Variants in ATXN10 observed in about 807,000 individuals in gnomAD.
The protein encoded by ATXN10 is ataxin-10.
In ATXN10, 28 loss-of-function variants were observed where a neutral mutation model predicts 52.9. The observed-to-expected ratio is 0.53, with a 90% confidence interval of 0.39 to 0.73. The LOEUF is 0.73. Ranked by LOEUF, ATXN10 falls within the 30% of genes least tolerant of loss-of-function variation. The pLI is 0.00. For missense variants in ATXN10, 565 were observed against 577.0 expected, an observed-to-expected ratio of 0.98 and a Z score of 0.21; for synonymous variants, 226 against 221.5, an observed-to-expected ratio of 1.02 and a Z score of -0.18.
At chr22:45,682,255 C>T (rs1427560703) in intron 1 of ATXN10, among the ~76,000 whole-genome samples, 1 of 152,144 alleles carries the variant, frequency 6.6e-6, no homozygotes, top group African/African-American at 2.4e-5. Flanking sequence ...AGTATTCTCA[C>T]TCAATCTTGT....
In ATXN10 at chr22:45,732,425, T is replaced by G. The variant is rs1438108014; in HGVS notation, c.894+2835T>G. Among the ~76,000 whole-genome samples the G allele has an allele frequency of 1.3e-5, 2 of 152,258 alleles. No individual in the cohort carries two copies. The highest frequency in any genetic ancestry group is 4.2e-4 in the South Asian group (2 of 4,804). Reference sequence around the variant, plus strand: ...AGTGAGCTGTGATTGCGCTACTGCATTCCAGCCTGGGGAAGAGTGAGATCC... The same window carrying G: ...AGTGAGCTGTGATTGCGCTACTGCAGTCCAGCCTGGGGAAGAGTGAGATCC... On this transcript the variant is annotated intron_variant, in intron 7 of 11. Coordinates refer to ENST00000252934, the MANE Select transcript of ATXN10 (RefSeq NM_013236.4). The surrounding 1 kb of genome is among the most constrained non-coding windows in gnomAD (Gnocchi z 4.5).
Position 45,837,293 on chromosome 22 carries a change from T to C in ATXN10, c.1238-5698T>C, listed in dbSNP as rs1368665813. Among the ~76,000 whole-genome samples, 3 of 152,188 alleles carry C rather than the reference T, an allele frequency of 2.0e-5. No individual in the cohort carries two copies. Among genetic ancestry groups the C allele is most frequent in the African/African-American group, 7.2e-5 (3 of 41,450 alleles). ...ACTTATTTTTGAGACAGAGTCTTGC[T>C]CTGTCGCCCAGGCTGCAGTGCAGTG... On this transcript the variant is annotated intron_variant, in intron 10 of 11. Coordinates refer to ENST00000252934, the MANE Select transcript of ATXN10 (RefSeq NM_013236.4). This position sits in a 1 kb window ranked among gnomAD's most constrained non-coding sequence, Gnocchi z 5.8.
intron 10 of ATXN10, among the ~76,000 whole-genome samples, chr22:45,822,565 C>T (rs144364444): frequency 0.093 from 11,551 of 124,274 alleles, 641 homozygotes; most frequent in Middle Eastern, 0.22. Context: ...GAGTCTTGCT[C>T]TGTCACCCAG....
rs1929469656 is a variant in ATXN10, at chr22:45,845,195, T to A, written c.*1524T>A. 1 of 152,196 alleles carries A rather than the reference T, an allele frequency of 6.6e-6. No homozygotes were observed. The highest frequency in any genetic ancestry group is 1.5e-5 in the Non-Finnish European group (1 of 68,042). 9.4% of individuals were successfully genotyped at this position (152,196 alleles called of 1,614,324 possible). ...TTAACAAGTTTGCAATAGACACTTC[T>A]TTTTTTCCTGTCTCAATGGATGTGT... On this transcript the variant is annotated 3_prime_UTR_variant, in exon 12 of 12. Coordinates refer to ENST00000252934, the MANE Select transcript of ATXN10 (RefSeq NM_013236.4). This position sits in a 1 kb window ranked among gnomAD's most constrained non-coding sequence, Gnocchi z 4.7.
Position 45,677,204 on chromosome 22 carries a change from GATACCTC to G in ATXN10, c.116+5028_116+5034del, listed in dbSNP as rs929819056. ...TATAAATTCATCTCATACTTAAACT[GATACCTC>G]ATTGGTCTTCCACCTGATGAGCTTC... On this transcript the variant is annotated intron_variant, in intron 1 of 11. Coordinates refer to ENST00000252934, the MANE Select transcript of ATXN10 (RefSeq NM_013236.4). The surrounding 1 kb of genome is among the most constrained non-coding windows in gnomAD (Gnocchi z 4.1). 3 of 152,152 alleles carry G rather than the reference GATACCTC, an allele frequency of 2.0e-5. No individual in the cohort carries two copies. The highest frequency in any genetic ancestry group is 7.2e-5 in the African/African-American group (3 of 41,420). The allele number at this position is 152,152 out of a possible 1,614,324, so 9.4% of individuals were successfully genotyped here. A position where few individuals can be genotyped will look rare whatever the true frequency, so the allele number is the denominator to read the frequency against.
chr22:45,721,837 C>T (rs1924664376), intron 6 of ATXN10, among the ~76,000 whole-genome samples: 1 of 152,136 alleles, frequency 6.6e-6, no homozygotes, highest in Non-Finnish European at 1.5e-5. Flanking sequence ...ATCACTTTAA[C>T]TTGGGAGGTG....
intron 10 of ATXN10, among the ~76,000 whole-genome samples, chr22:45,808,797 G>A (rs1021937990): frequency 6.6e-5 from 10 of 152,358 alleles, no homozygotes; most frequent in Admixed American, 2.0e-4. Flanking sequence ...ACATATTCAT[G>A]TAGTGGAGAA....
At chr22:45,808,319 A>C (rs1378959378) in intron 10 of ATXN10, among the ~76,000 whole-genome samples, 1 of 152,270 alleles carries the variant, frequency 6.6e-6, no homozygotes. Flanking sequence ...ACGATGATTT[A>C]TTATGAAAAA....
At chr22:45,797,355 A>C (rs1927779305) in intron 9 of ATXN10, among the ~76,000 whole-genome samples, 1 of 152,260 alleles carries the variant, frequency 6.6e-6, no homozygotes, top group Non-Finnish European at 1.5e-5. Context: ...AACTGAAAAC[A>C]TAGACTATAT....
chr22:45,797,579 A>G (rs976890093), intron 9 of ATXN10, among the ~76,000 whole-genome samples: 6 of 152,242 alleles, frequency 3.9e-5, no homozygotes, highest in African/African-American at 1.4e-4. Flanking sequence ...TTTAAAATAC[A>G]TGAGAAAACA....
At chr22:45,834,807 A>G (rs1929111979) in intron 10 of ATXN10, among the ~76,000 whole-genome samples, 2 of 152,176 alleles carry the variant, frequency 1.3e-5, no homozygotes, top group African/African-American at 4.8e-5. Context: ...TGCGGTGTGC[A>G]TGGGTGTGCC....
chr22:45,713,653 A>G (rs1174884500), intron 5 of ATXN10, among the ~76,000 whole-genome samples: 1 of 152,208 alleles, frequency 6.6e-6, no homozygotes, highest in Admixed American at 6.5e-5. Context: ...CTTACATTAC[A>G]TACTGAATTA....
Position 45,679,597 on chromosome 22 carries a change from CACAAAAACCCAAAAA to C in ATXN10, c.116+7430_116+7444del, listed in dbSNP as rs1467155338. 2.6e-5 allele frequency: 4 copies of C among 152,216 alleles called. No individual in the cohort carries two copies. In the East Asian group the frequency reaches 7.7e-4, roughly 29 times the overall value. 9.4% of individuals were successfully genotyped at this position (152,216 alleles called of 1,614,324 possible). On this transcript the variant is annotated intron_variant, in intron 1 of 11. Transcript: ENST00000252934. ...AAGTGTCTTTAACTACACCAAAACA[CACAAAAACCCAAAAA>C]ACAAAAACCCACACGAGTCGTCAGC...
chr22:45,719,673 G>A lies in ATXN10; in HGVS notation c.728+1180G>A, dbSNP rs112816687. Among the ~76,000 whole-genome samples, 1,131 of 151,976 alleles carry A rather than the reference G, an allele frequency of 7.4e-3. 9 individuals carry two copies. Among genetic ancestry groups the A allele is most frequent in the African/African-American group, 0.016 (657 of 41,444 alleles). On this transcript the variant is annotated intron_variant, in intron 6 of 11. Coordinates refer to ENST00000252934, the MANE Select transcript of ATXN10 (RefSeq NM_013236.4). ...TATCAAAATTATCTATTTTTAAATG[G>A]TTTATTACATAACTACATGGTGATG... is the stretch of plus-strand genomic sequence containing the variant.
chr22:45,807,172 A>G (rs1286500152), intron 10 of ATXN10, 150 bp downstream of exon 10: 1 of 737,206 alleles, frequency 1.4e-6, no homozygotes, highest in Admixed American at 2.0e-5. Context: ...TCTCAGAGTT[A>G]TGGTGCTAGA....
Position 45,783,646 on chromosome 22 carries a change from C to G in ATXN10, c.1174-23313C>G, listed in dbSNP as rs1187738730. ...GGCCTTCTCTCTCCCTTATCCCCAC[C>G]CACATCCTGACATTGGTAAGAGCAG... On this transcript the variant is annotated intron_variant, in intron 9 of 11. Coordinates refer to ENST00000252934, the MANE Select transcript of ATXN10 (RefSeq NM_013236.4). The surrounding 1 kb of genome is among the most constrained non-coding windows in gnomAD (Gnocchi z 5.0). Among the ~76,000 whole-genome samples the G allele has an allele frequency of 6.6e-6, 1 of 152,146 alleles. No homozygotes were observed. The highest frequency in any genetic ancestry group is 6.5e-5 in the Admixed American group (1 of 15,272).
chr22:45,811,520 A>G (rs1398657714), intron 10 of ATXN10, among the ~76,000 whole-genome samples: 1 of 152,208 alleles, frequency 6.6e-6, no homozygotes, highest in Non-Finnish European at 1.5e-5. Context: ...GATACTTATC[A>G]TTGTATTATA....
intron 9 of ATXN10, among the ~76,000 whole-genome samples, chr22:45,803,578 C>T (rs150473424): frequency 5.3e-4 from 81 of 152,194 alleles, no homozygotes; most frequent in African/African-American, 1.9e-3. Context: ...CTGGTGAGGA[C>T]GAGCTGGATT....
intron 10 of ATXN10, among the ~76,000 whole-genome samples, chr22:45,810,164 C>T (rs1030511570): frequency 1.3e-5 from 2 of 152,168 alleles, no homozygotes; most frequent in African/African-American, 4.8e-5. Flanking sequence ...GCCCTAGTTA[C>T]TGAAAAGAAC....
Sources: allele counts gnomAD v4.1 joint callset (sites outside exome capture counted in the v4.1 genomes callset), GRCh38; gene constraint gnomAD v4.1.1; non-coding constraint Gnocchi (gnomAD v3.1); transcripts MANE v1.5; gene names NCBI Gene and HGNC (gene_info 2026-07-23, HGNC 2026-07-21).